The following SNX18 variants were observed in gnomAD, a reference collection of about 807,000 sequenced individuals.
SNX18 encodes sorting nexin 18, also known as sorting nexin-18.
Under a neutral mutation model 48.7 loss-of-function variants are expected in SNX18, and 35 were observed. The ratio of observed to expected loss-of-function variants is 0.72; its 90% CI spans 0.55 to 0.95. The LOEUF (loss-of-function observed/expected upper bound fraction) is 0.95, where lower values mean the gene tolerates loss of function less well. Among genes scored for constraint, SNX18 ranks in the 40% least tolerant of loss-of-function variants. The pLI is 0.00. For missense variants in SNX18, 824 were observed against 871.0 expected (o/e 0.95, Z 0.68); for synonymous variants, 492 against 384.7 (o/e 1.28, Z -3.26).
In SNX18 at chr5:54,518,369, G is replaced by T. The variant is rs1761920521; in HGVS notation, c.417G>T (p.Gln139His). The T allele has an allele frequency of 3.2e-6, 5 of 1,561,918 alleles. No individual in the cohort carries two copies. The East Asian group carries it at 1.2e-4, about 38-fold the overall frequency. Reference sequence around the variant, plus strand: ...GCGCCCTGCAGCCGTCGCCTCAGCAGCTCTACGGCGGCTACCAGGCCAGCC... The same window carrying T: ...GCGCCCTGCAGCCGTCGCCTCAGCATCTCTACGGCGGCTACCAGGCCAGCC... ...GGGALQPSPQ[Q>H]LYGGYQASQG... is the part of the protein sequence containing the mutation. The change falls in exon 1 of 2, where the codon CAG (glutamine) becomes CAT (histidine). Residue 139 changes from glutamine (Q) to histidine (H), a missense_variant. Around this residue, in one of 3 missense-constraint regions of SNX18, gnomAD observed 377 missense variants for 350.6 expected, o/e 1.08. Coordinates refer to ENST00000381410, the MANE Select transcript of SNX18 (RefSeq NM_001102575.2).
chr5:54,627,251 T>C, the SNX18 span, among the ~76,000 whole-genome samples: 2 of 152,176 alleles, frequency 1.3e-5, no homozygotes, highest in Non-Finnish European at 2.9e-5. Flanking sequence ...AATCTGACAT[T>C]AAGATCTGAA....
chr5:54,586,775 C>T, the SNX18 span, among the ~76,000 whole-genome samples: 1 of 152,166 alleles, frequency 6.6e-6, no homozygotes, highest in Admixed American at 6.5e-5. Flanking sequence ...ATAGTAGGAT[C>T]ATAGCTTGCT....
the SNX18 span, among the ~76,000 whole-genome samples, chr5:54,580,025 T>C: frequency 6.6e-6 from 1 of 152,136 alleles, no homozygotes; most frequent in Non-Finnish European, 1.5e-5. Context: ...ACATTTAATA[T>C]GTCCATACAG....
At chr5:54,601,927 A>G in the SNX18 span, among the ~76,000 whole-genome samples, 7,301 of 152,272 alleles carry the variant, frequency 0.048, 212 homozygotes, top group Non-Finnish European at 0.073. Flanking sequence ...TTTGGAGCAG[A>G]CTTTGGTGTG....
the SNX18 span, among the ~76,000 whole-genome samples, chr5:54,602,479 G>C: frequency 6.6e-6 from 1 of 152,160 alleles, no homozygotes; most frequent in South Asian, 2.1e-4. Flanking sequence ...AGGAACTGAC[G>C]GGACGTTAGC....
chr5:54,635,278 G>A, the SNX18 span, among the ~76,000 whole-genome samples: 88 of 151,394 alleles, frequency 5.8e-4, 2 homozygotes, highest in African/African-American at 2.0e-3. Flanking sequence ...ACTATATATC[G>A]TTTTCCTTTC....
chr5:54,564,291 T>C, the SNX18 span, among the ~76,000 whole-genome samples: 2 of 150,982 alleles, frequency 1.3e-5, no homozygotes, highest in African/African-American at 4.8e-5. Context: ...AATAAATAAA[T>C]AACAAAATAA....
chr5:54,580,806 G>A, the SNX18 span, among the ~76,000 whole-genome samples: 95 of 152,182 alleles, frequency 6.2e-4, no homozygotes, highest in Non-Finnish European at 9.7e-4. Flanking sequence ...TTCCTGCCAG[G>A]ATGAAAACAG....
At chr5:54,603,969 A>G in the SNX18 span, among the ~76,000 whole-genome samples, 10 of 152,344 alleles carry the variant, frequency 6.6e-5, no homozygotes, top group South Asian at 2.1e-3. Flanking sequence ...AAGAACACTA[A>G]CAATTACTGA....
At chr5:54,641,218 C>T in the SNX18 span, among the ~76,000 whole-genome samples, 4 of 152,262 alleles carry the variant, frequency 2.6e-5, no homozygotes, top group Admixed American at 2.6e-4. Context: ...AATCCTTTCA[C>T]AGGTGTGACC....
At chr5:54,531,809 TGAA>T (rs1465085560) in intron 1 of SNX18, among the ~76,000 whole-genome samples, 1 of 152,176 alleles carries the variant, frequency 6.6e-6, no homozygotes, top group Non-Finnish European at 1.5e-5. Flanking sequence ...TGAAGGGATG[TGAA>T]GCAGCACTCA....
At position 54,517,943 on chromosome 5, in the gene SNX18, C is replaced by A; in HGVS notation, c.-10C>A. On this transcript the variant is annotated 5_prime_UTR_variant, in exon 1 of 2. Transcript: ENST00000381410. ...CGGGAGTCGGGACCGCCAGTCGGGG[C>A]GCCGGGACCATGGCGCTGCGCGCCC... The A allele has an allele frequency of 6.7e-7, 1 of 1,501,600 alleles. No homozygotes were observed. The highest frequency in any genetic ancestry group is 1.2e-5 in the South Asian group (1 of 80,596). The allele number at this position is 1,501,600 out of a possible 1,614,324, so 93.0% of individuals were successfully genotyped here. A position where few individuals can be genotyped will look rare whatever the true frequency, so the allele number is the denominator to read the frequency against.
At chr5:54,559,893 C>T in the SNX18 span, among the ~76,000 whole-genome samples, 2 of 151,930 alleles carry the variant, frequency 1.3e-5, no homozygotes, top group Non-Finnish European at 2.9e-5. Flanking sequence ...AAAAAGTGGG[C>T]AAAGGACATG....
chr5:54,596,800 A>G, the SNX18 span, among the ~76,000 whole-genome samples: 1 of 152,226 alleles, frequency 6.6e-6, no homozygotes, highest in Non-Finnish European at 1.5e-5. Flanking sequence ...GGGAACCTGC[A>G]GTAGGAATGG....
intron 1 of SNX18, among the ~76,000 whole-genome samples, chr5:54,539,148 T>A (rs975235932): frequency 6.6e-6 from 1 of 152,158 alleles, no homozygotes; most frequent in Non-Finnish European, 1.5e-5. Flanking sequence ...CTCAGCCTCC[T>A]GAGTAGCTGG....
rs1339357433 is a variant in SNX18 at position 54,519,072 on chromosome 5, G to A, written c.1120G>A (p.Val374Ile). The A allele has an allele frequency of 5.6e-6, 9 of 1,613,912 alleles. No individual in the cohort carries two copies. The highest frequency in any genetic ancestry group is 1.7e-5 in the Admixed American group (1 of 60,024). Reference protein sequence around the residue: ...ASHPVLAQCDVFQHFLTCPSS... With the variant: ...ASHPVLAQCDIFQHFLTCPSS... ...CCACCCAGTGCTGGCGCAGTGCGAC[G>A]TCTTCCAGCACTTCCTGACGTGCCC... The change falls in exon 1 of 2, where the codon GTC becomes ATC. Residue 374 changes from valine (V) to isoleucine (I), a missense_variant. Coordinates refer to ENST00000381410, the MANE Select transcript of SNX18 (RefSeq NM_001102575.2).
the SNX18 span, among the ~76,000 whole-genome samples, chr5:54,617,589 T>C: frequency 6.6e-6 from 1 of 152,168 alleles, no homozygotes; most frequent in South Asian, 2.1e-4. Context: ...ACAGAAAATA[T>C]GGTTTTGACC....
At chr5:54,603,233 T>A in the SNX18 span, among the ~76,000 whole-genome samples, 80 of 18,298 alleles carry the variant, frequency 4.4e-3, no homozygotes, top group South Asian at 7.4e-3. Context: ...TATTTAAAAA[T>A]ATATATATAT....
the SNX18 span, among the ~76,000 whole-genome samples, chr5:54,614,272 G>A: frequency 6.6e-6 from 1 of 152,104 alleles, no homozygotes; most frequent in African/African-American, 2.4e-5. Flanking sequence ...TGGAAAACTA[G>A]GCCCTGCTGG....
Sources: allele counts gnomAD v4.1 joint callset (sites outside exome capture counted in the v4.1 genomes callset), GRCh38; gene constraint gnomAD v4.1.1; regional missense constraint gnomAD v4.1.1; transcripts MANE v1.5; gene names NCBI Gene and HGNC (gene_info 2026-07-23, HGNC 2026-07-21).